The following PHF24 variants were observed in gnomAD, a reference collection of about 807,000 sequenced individuals.
The protein encoded by PHF24 is Galpha inhibitory interacting protein.
A neutral mutation model predicts 42.6 loss-of-function variants in PHF24; 25 were observed. The observed-to-expected ratio is 0.59, with a 90% confidence interval of 0.43 to 0.82. The LOEUF is 0.82. PHF24 is among the 40% of genes least tolerant of loss of function. PHF24 has a pLI of 0.00. For synonymous variants in PHF24, 185 were observed against 204.8 expected (o/e 0.90, Z 0.83); for missense variants, 470 against 538.1 (o/e 0.87, Z 1.25).
chr9:34,874,838 A>G, the PHF24 span, among the ~76,000 whole-genome samples: 2 of 152,242 alleles, frequency 1.3e-5, no homozygotes, highest in East Asian at 3.9e-4. Context: ...GGTACATAGT[A>G]AGTGTATATA....
the PHF24 span, among the ~76,000 whole-genome samples, chr9:34,948,756 C>T: frequency 1.3e-5 from 2 of 152,112 alleles, no homozygotes; most frequent in African/African-American, 2.4e-5. Context: ...AAGCAACACA[C>T]GACTGTATTT....
At chr9:34,947,120 C>T in the PHF24 span, among the ~76,000 whole-genome samples, 2 of 152,228 alleles carry the variant, frequency 1.3e-5, no homozygotes, top group South Asian at 4.1e-4. Context: ...GCTTGAGACT[C>T]GGACCTAGCC....
the PHF24 span, among the ~76,000 whole-genome samples, chr9:34,746,969 TA>T: frequency 6.6e-6 from 1 of 152,130 alleles, no homozygotes; most frequent in Non-Finnish European, 1.5e-5. Context: ...GCACTAATCA[TA>T]AAGAAAGATT....
chr9:34,809,048 AATAAT>A, the PHF24 span, among the ~76,000 whole-genome samples: 1 of 58,054 alleles, frequency 1.7e-5, no homozygotes, highest in South Asian at 9.5e-4. This position sits in a 1 kb window ranked among gnomAD's most constrained non-coding sequence, Gnocchi z 4.1. Flanking sequence ...AAAAAAAAAA[AATAAT>A]AAATAAATAA....
intron 1 of PHF24, among the ~76,000 whole-genome samples, chr9:34,968,201 G>A (rs562281300): frequency 7.2e-5 from 11 of 152,006 alleles, no homozygotes; most frequent in Non-Finnish European, 1.3e-4. Flanking sequence ...AGTGTTTTCC[G>A]TGTTGTTTAG....
the PHF24 span, among the ~76,000 whole-genome samples, chr9:34,882,626 G>A: frequency 6.6e-6 from 1 of 151,974 alleles, no homozygotes; most frequent in African/African-American, 2.4e-5. Context: ...GCTTCAAACA[G>A]AATAAAATAC....
At chr9:34,899,600 T>A in the PHF24 span, among the ~76,000 whole-genome samples, 3 of 152,304 alleles carry the variant, frequency 2.0e-5, no homozygotes, top group African/African-American at 7.2e-5. Flanking sequence ...GCACGTTCAT[T>A]AATGCCCAAG....
the PHF24 span, among the ~76,000 whole-genome samples, chr9:34,949,331 TAAA>T: frequency 6.6e-6 from 1 of 152,008 alleles, no homozygotes; most frequent in Non-Finnish European, 1.5e-5. Flanking sequence ...TGGTGATCTT[TAAA>T]AAGTCTGGAA....
the PHF24 span, among the ~76,000 whole-genome samples, chr9:34,670,287 TCA>T: frequency 2.6e-5 from 4 of 152,220 alleles, no homozygotes; most frequent in Admixed American, 2.6e-4. Flanking sequence ...TGGGAACTTC[TCA>T]GACTTGTAGC....
At chr9:34,841,086 G>A in the PHF24 span, among the ~76,000 whole-genome samples, 4,928 of 151,928 alleles carry the variant, frequency 0.032, 269 homozygotes, top group African/African-American at 0.11. Context: ...TGCAAGCTCC[G>A]CCTCCCGGGT....
chr9:34,791,119 A>C, the PHF24 span, among the ~76,000 whole-genome samples: 1 of 152,244 alleles, frequency 6.6e-6, no homozygotes, highest in Non-Finnish European at 1.5e-5. Context: ...GAACCACCCT[A>C]AATGCTCTTT....
At chr9:34,834,957 T>C in the PHF24 span, 1 of 1,451,288 alleles carries the variant, frequency 6.9e-7, no homozygotes, top group South Asian at 1.3e-5. Flanking sequence ...TGAGATCCCA[T>C]GAAAGTGGCA....
chr9:34,913,158 T>C, the PHF24 span, among the ~76,000 whole-genome samples: 23 of 150,574 alleles, frequency 1.5e-4, no homozygotes, highest in African/African-American at 5.4e-4. Context: ...AAAAAAAAAT[T>C]GGAAAAAAAA....
chr9:34,895,876 A>G, the PHF24 span: 1 of 396,458 alleles, frequency 2.5e-6, no homozygotes, highest in South Asian at 1.4e-4. Flanking sequence ...CAAGGCAGGG[A>G]TAGCATCACA....
the PHF24 span, among the ~76,000 whole-genome samples, chr9:34,732,817 G>A: frequency 6.6e-6 from 1 of 152,096 alleles, no homozygotes; most frequent in African/African-American, 2.4e-5. Flanking sequence ...GCTAGATACT[G>A]TTTTCCCTTT....
the PHF24 span, among the ~76,000 whole-genome samples, chr9:34,870,306 T>C: frequency 6.6e-6 from 1 of 152,126 alleles, no homozygotes; most frequent in East Asian, 1.9e-4. Context: ...TGGATAGTAA[T>C]ACTGCATAAA....
At chr9:34,851,527 G>A in the PHF24 span, among the ~76,000 whole-genome samples, 1 of 152,186 alleles carries the variant, frequency 6.6e-6, no homozygotes, top group Non-Finnish European at 1.5e-5. Flanking sequence ...GACTAGGAAA[G>A]GGAACTCCCT....
chr9:34,774,416 A>G, the PHF24 span, among the ~76,000 whole-genome samples: 1 of 152,114 alleles, frequency 6.6e-6, no homozygotes, highest in South Asian at 2.1e-4. Flanking sequence ...AAAAAAACAA[A>G]CAATCCAATG....
At chr9:34,926,532 G>A in the PHF24 span, among the ~76,000 whole-genome samples, 1 of 152,180 alleles carries the variant, frequency 6.6e-6, no homozygotes, top group African/African-American at 2.4e-5. This position sits in a 1 kb window ranked among gnomAD's most constrained non-coding sequence, Gnocchi z 4.3. Flanking sequence ...TCTGCAGTGG[G>A]TGGCCCACAG....
Sources: gnomAD v4.1 joint callset for allele counts (sites outside exome capture counted in the v4.1 genomes callset) on GRCh38, gnomAD v4.1.1 for gene constraint, Gnocchi (gnomAD v3.1) non-coding constraint, MANE v1.5 for transcripts, NCBI Gene and HGNC (gene_info 2026-07-23, HGNC 2026-07-21) for gene names.